The following PLXDC2 variants were observed in gnomAD, a reference collection of about 807,000 sequenced individuals.
PLXDC2 encodes plexin domain containing 2.
PLXDC2 carries 40 observed loss-of-function variants against 68.9 expected under a neutral mutation model. The ratio of observed to expected loss-of-function variants is 0.58; its 90% CI spans 0.45 to 0.76. The LOEUF (loss-of-function observed/expected upper bound fraction) is 0.76, where lower values mean the gene tolerates loss of function less well. PLXDC2 is among the 30% of genes least tolerant of loss of function. The probability of loss-of-function intolerance (pLI) is 0.00; values close to 1 mark genes in which losing one functional copy is unlikely to be tolerated. For missense variants in PLXDC2, 644 were observed against 661.9 expected, an observed-to-expected ratio of 0.97 and a Z score of 0.30; for synonymous variants, 243 against 234.2, an observed-to-expected ratio of 1.04 and a Z score of -0.34.
At chr10:20,094,936 A>T (rs2131733736) in intron 4 of PLXDC2, among the ~76,000 whole-genome samples, 1 of 152,308 alleles carries the variant, frequency 6.6e-6, no homozygotes, top group East Asian at 1.9e-4. Context: ...ATTTCAAGTG[A>T]TAGCTGGATC....
At chr10:20,097,360 T>G (rs1337062065) in intron 4 of PLXDC2, among the ~76,000 whole-genome samples, 1 of 151,976 alleles carries the variant, frequency 6.6e-6, no homozygotes, top group Non-Finnish European at 1.5e-5. Context: ...ATGAAAAAAA[T>G]TTAATAACCG....
At chr10:19,838,633 T>A (rs1364795086) in intron 1 of PLXDC2, among the ~76,000 whole-genome samples, 1 of 152,244 alleles carries the variant, frequency 6.6e-6, no homozygotes, top group Admixed American at 6.5e-5. Context: ...TTTTGGAAAT[T>A]GAGTGTGACA....
At chr10:19,886,356 C>T (rs998887534) in intron 1 of PLXDC2, among the ~76,000 whole-genome samples, 1 of 152,106 alleles carries the variant, frequency 6.6e-6, no homozygotes, top group African/African-American at 2.4e-5. Context: ...CCTTCATGAA[C>T]ATTGATGCAA....
intron 13 of PLXDC2, among the ~76,000 whole-genome samples, chr10:20,265,562 TAAAA>T (rs1228215196): frequency 6.6e-6 from 1 of 152,226 alleles, no homozygotes; most frequent in Non-Finnish European, 1.5e-5. Flanking sequence ...TATTGAATGT[TAAAA>T]TAATAATAAT....
At chr10:19,848,757 T>C (rs1406726889) in intron 1 of PLXDC2, among the ~76,000 whole-genome samples, 1 of 152,136 alleles carries the variant, frequency 6.6e-6, no homozygotes, top group Non-Finnish European at 1.5e-5. Context: ...CCACAGGCTG[T>C]TCTTTTTGGC....
intron 9 of PLXDC2, among the ~76,000 whole-genome samples, chr10:20,203,815 G>C (rs1406148383): frequency 6.6e-6 from 1 of 152,126 alleles, no homozygotes; most frequent in African/African-American, 2.4e-5. Flanking sequence ...ATTAGGTAAA[G>C]TGATCCCAGT....
chr10:20,234,873 C>T (rs1588534444), intron 12 of PLXDC2, among the ~76,000 whole-genome samples: 1 of 152,192 alleles, frequency 6.6e-6, no homozygotes, highest in Middle Eastern at 3.4e-3. Context: ...AAATGAATAT[C>T]TCCAGCAACT....
intron 3 of PLXDC2, among the ~76,000 whole-genome samples, chr10:20,053,300 A>G (rs146668085): frequency 1.3e-3 from 191 of 152,258 alleles, no homozygotes; most frequent in African/African-American, 4.4e-3. Context: ...TGCAAAATAA[A>G]CAGATGCTAA....
chr10:19,988,709 T>C (rs567010893), intron 1 of PLXDC2, among the ~76,000 whole-genome samples: 10 of 149,866 alleles, frequency 6.7e-5, no homozygotes, highest in African/African-American at 2.2e-4. Context: ...GATTTTTCCA[T>C]CATTTGATAA....
intron 4 of PLXDC2, among the ~76,000 whole-genome samples, chr10:20,075,677 A>C (rs1364030706): frequency 1.3e-5 from 2 of 152,220 alleles, no homozygotes; most frequent in African/African-American, 4.8e-5. Flanking sequence ...AATAGGAATC[A>C]GCAAGAAAAA....
At chr10:20,134,872 C>T (rs1833914717) in intron 4 of PLXDC2, among the ~76,000 whole-genome samples, 1 of 152,136 alleles carries the variant, frequency 6.6e-6, no homozygotes, top group Non-Finnish European at 1.5e-5. Flanking sequence ...AAGGGGTTCA[C>T]TGGGATGGGC....
chr10:19,947,007 C>G (rs1367368882), intron 1 of PLXDC2, among the ~76,000 whole-genome samples: 1 of 152,008 alleles, frequency 6.6e-6, no homozygotes, highest in Non-Finnish European at 1.5e-5. Flanking sequence ...GGGTTGGGGG[C>G]CTCTGATCTC....
At chr10:19,893,716 A>G (rs1452936748) in intron 1 of PLXDC2, among the ~76,000 whole-genome samples, 1 of 152,234 alleles carries the variant, frequency 6.6e-6, no homozygotes, top group Non-Finnish European at 1.5e-5. Flanking sequence ...GGCAGAAGTT[A>G]TTGTAAGTGA....
chr10:20,018,618 A>G (rs1302850612), intron 2 of PLXDC2, among the ~76,000 whole-genome samples: 1 of 152,176 alleles, frequency 6.6e-6, no homozygotes, highest in Non-Finnish European at 1.5e-5. Context: ...AAGTATTTAA[A>G]CATATGGAGA....
intron 1 of PLXDC2, among the ~76,000 whole-genome samples, chr10:19,966,991 C>G (rs1834274158): frequency 6.6e-6 from 1 of 152,152 alleles, no homozygotes; most frequent in African/African-American, 2.4e-5. Flanking sequence ...TAAATCCCAG[C>G]CCCTCTCTGT....
chr10:19,882,445 C>T (rs956376782), intron 1 of PLXDC2, among the ~76,000 whole-genome samples: 1 of 152,076 alleles, frequency 6.6e-6, no homozygotes, highest in African/African-American at 2.4e-5. Context: ...AATGGAAAAG[C>T]AAAGGAAGAG....
intron 12 of PLXDC2, among the ~76,000 whole-genome samples, chr10:20,224,767 A>G (rs1469832341): frequency 6.6e-6 from 1 of 152,224 alleles, no homozygotes; most frequent in African/African-American, 2.4e-5. Context: ...AAAATACCAA[A>G]AACTGCATTA....
intron 12 of PLXDC2, among the ~76,000 whole-genome samples, chr10:20,220,402 T>G (rs1835193830): frequency 6.6e-6 from 1 of 152,208 alleles, no homozygotes; most frequent in South Asian, 2.1e-4. Context: ...AAGAGACTTC[T>G]CTTTTACTTG....
intron 13 of PLXDC2, among the ~76,000 whole-genome samples, chr10:20,249,214 A>T (rs1006719963): frequency 1.3e-5 from 2 of 152,294 alleles, no homozygotes; most frequent in East Asian, 1.9e-4. Context: ...CTTTATATTG[A>T]CTGCCTCTTA....
Sources: allele counts gnomAD v4.1 joint callset (sites outside exome capture counted in the v4.1 genomes callset), GRCh38; gene constraint gnomAD v4.1.1; transcripts MANE v1.5; gene names NCBI Gene and HGNC (gene_info 2026-07-23, HGNC 2026-07-21).